JCAD: variants seen among roughly 807,000 people sequenced by gnomAD.
JCAD encodes junctional cadherin 5 associated, also known as junctional cadherin 5-associated protein.
Under a neutral mutation model 98.0 loss-of-function variants are expected in JCAD, and 40 were observed. That is an observed-to-expected ratio of 0.41 (90% CI 0.32 to 0.53). The LOEUF is 0.53. Among genes scored for constraint, JCAD ranks in the 20% least tolerant of loss-of-function variants. JCAD has a pLI of 0.31. For missense variants in JCAD, 1,705 were observed against 1,738.1 expected (o/e 0.98, Z 0.34); for synonymous variants, 691 against 682.3 (o/e 1.01, Z -0.20).
chr10:30,073,710 T>TTCCTTCC (rs1837935402), intron 1 of JCAD, among the ~76,000 whole-genome samples: 1 of 43,816 alleles, frequency 2.3e-5, no homozygotes, highest in South Asian at 5.1e-4. Context: ...TCCTTCCTTC[T>TTCCTTCC]TTCCTTCTTT....
At chr10:30,032,993 C>T (rs897343927) in intron 2 of JCAD, among the ~76,000 whole-genome samples, 1 of 152,152 alleles carries the variant, frequency 6.6e-6, no homozygotes, top group African/African-American at 2.4e-5. Context: ...ATCTACTGGG[C>T]ACCCATGCTG....
chr10:30,026,535 C>T lies in JCAD; in HGVS notation c.3613G>A (p.Asp1205Asn). Reference sequence around the variant, plus strand: ...CTGAAGGGTGGTTTTGTTTCCACATCCTTTTGTTCGAAGAACTTGGACTCC... The same window carrying T: ...CTGAAGGGTGGTTTTGTTTCCACATTCTTTTGTTCGAAGAACTTGGACTCC... Reference protein sequence around the residue: ...PLESKFFEQKDVETKPPFRST... With the variant: ...PLESKFFEQKNVETKPPFRST... Residue 1205 changes from aspartate to asparagine, a missense_variant, in exon 3 of 4, where the codon GAT becomes AAT. Physicochemically the swap from Asp to Asn is conservative, Grantham distance 23. Coordinates refer to ENST00000375377, the MANE Select transcript of JCAD (RefSeq NM_020848.4). 4 of 1,614,224 alleles carry T rather than the reference C, an allele frequency of 2.5e-6. No homozygotes were observed. Among genetic ancestry groups the T allele is most frequent in the South Asian group, 2.2e-5 (2 of 91,092 alleles).
In JCAD at chr10:30,029,294, G is replaced by A. The variant is rs1836931411; in HGVS notation, c.854C>T (p.Pro285Leu). The A allele has an allele frequency of 2.5e-6, 4 of 1,614,138 alleles. No homozygotes were observed. The highest frequency in any genetic ancestry group is 2.2e-5 in the South Asian group (2 of 91,074). Reference protein sequence around the residue: ...SEKSGCSAPFPRPKFGRPLKP... With the variant: ...SEKSGCSAPFLRPKFGRPLKP... ...GAGGGGCCTCCCAAACTTAGGCCGG[G>A]GAAATGGGGCTGAGCAGCCACTCTT... Residue 285 changes from proline (P) to leucine (L), a missense_variant, in exon 3 of 4, where the codon CCC (proline) becomes CTC (leucine). Around this residue, in one of 3 missense-constraint regions of JCAD, gnomAD observed 275 missense variants for 346.9 expected, o/e 0.79. Transcript: ENST00000375377.
chr10:30,064,760 C>A (rs757446634), intron 2 of JCAD, among the ~76,000 whole-genome samples: 1 of 152,096 alleles, frequency 6.6e-6, no homozygotes, highest in Non-Finnish European at 1.5e-5. Flanking sequence ...CAACCTCCAC[C>A]TCCCAGGTTC....
At chr10:30,041,995 T>C (rs1004810264) in intron 2 of JCAD, among the ~76,000 whole-genome samples, 8 of 152,174 alleles carry the variant, frequency 5.3e-5, no homozygotes, top group African/African-American at 1.9e-4. Context: ...TTTGTGTGTG[T>C]GTGTGTTTCA....
intron 2 of JCAD, among the ~76,000 whole-genome samples, chr10:30,064,682 T>A (rs531435761): frequency 1.1e-3 from 161 of 152,172 alleles, no homozygotes; most frequent in Middle Eastern, 3.4e-3. Flanking sequence ...CTTTTTTTTT[T>A]TTCTTTTGAG....
chr10:30,097,170 G>A (rs1157175657), intron 1 of JCAD, among the ~76,000 whole-genome samples: 5 of 152,118 alleles, frequency 3.3e-5, no homozygotes, highest in African/African-American at 1.2e-4. Flanking sequence ...GGTGGGCACT[G>A]GCCACGTGCA....
intron 3 of JCAD, 139 bp downstream of exon 3, chr10:30,025,963 TC>T (rs1554794828): frequency 2.1e-6 from 2 of 954,008 alleles, no homozygotes; most frequent in Non-Finnish European, 3.2e-6. Flanking sequence ...AAATGAGGAA[TC>T]TTTTGATAAA....
At position 30,027,830 on chromosome 10, in the gene JCAD, T is replaced by C; in HGVS notation, c.2318A>G (p.Gln773Arg). 1 of 1,614,248 alleles carries C rather than the reference T, an allele frequency of 6.2e-7. No individual in the cohort carries two copies. The highest frequency in any genetic ancestry group is 8.5e-7 in the Non-Finnish European group (1 of 1,180,034). Residue 773 changes from glutamine to arginine, a missense_variant, in exon 3 of 4, where the codon CAG (glutamine) becomes CGG (arginine). Gln to Arg is a conservative substitution (Grantham distance 43, BLOSUM62 1). Transcript: ENST00000375377. ...AFSRTSLSVD[Q>R]APTPKAGRSQ... The stretch of plus-strand genomic sequence containing the variant: ...TCGGCCTGCTTTTGGCGTCGGTGCC[T>C]GGTCCACGGACAAGGAAGTCCTTGA...
chr10:30,029,225 G>C lies in JCAD; in HGVS notation c.923C>G (p.Ala308Gly). 1 of 1,614,138 alleles carries C rather than the reference G, an allele frequency of 6.2e-7. No individual in the cohort carries two copies. The highest frequency in any genetic ancestry group is 8.5e-7 in the Non-Finnish European group (1 of 1,180,046). Residue 308 changes from alanine to glycine, a missense_variant, in exon 3 of 4, where the codon GCG (alanine) becomes GGG (glycine). Around this residue, in one of 3 missense-constraint regions of JCAD, gnomAD observed 275 missense variants for 346.9 expected, o/e 0.79. Transcript: ENST00000375377. The stretch of plus-strand genomic sequence containing the variant: ...GCTGTCCTGAGAGTCACTGCTGTCC[G>C]CTCCTCCCCTAGACTGCTGGTGCGA... ...YSSHQQSRGGADSSDSQDSQQ... is the reference protein window; with the variant it reads ...YSSHQQSRGGGDSSDSQDSQQ...
intron 1 of JCAD, among the ~76,000 whole-genome samples, chr10:30,074,138 G>C (rs1274236862): frequency 6.6e-6 from 1 of 152,124 alleles, no homozygotes; most frequent in Non-Finnish European, 1.5e-5. Flanking sequence ...CCCTCTGACA[G>C]TAAATTCGGA....
At chr10:30,092,078 T>TATATAA (rs1838286055) in intron 1 of JCAD, among the ~76,000 whole-genome samples, 1 of 58,908 alleles carries the variant, frequency 1.7e-5, no homozygotes, top group Non-Finnish European at 3.0e-5. Context: ...TATATATATA[T>TATATAA]ATATATATAT....
intron 1 of JCAD, among the ~76,000 whole-genome samples, chr10:30,084,979 A>G (rs1838145331): frequency 6.6e-6 from 1 of 152,162 alleles, no homozygotes; most frequent in African/African-American, 2.4e-5. Flanking sequence ...ATCTAAGTTC[A>G]TCTTGTTTAT....
chr10:30,063,861 G>T (rs552421025), upstream of JCAD, among the ~76,000 whole-genome samples: 1 of 151,932 alleles, frequency 6.6e-6, no homozygotes, highest in East Asian at 1.9e-4. Flanking sequence ...AGCCTGGAGT[G>T]CAGTGTCGTG....
chr10:30,030,038 A>T (rs968424674), intron 2 of JCAD, among the ~76,000 whole-genome samples, 172 bp from the exon 3 acceptor site: 1 of 152,260 alleles, frequency 6.6e-6, no homozygotes, highest in African/African-American at 2.4e-5. Context: ...GTTGGAAGAC[A>T]GCCACGTGTT....
At chr10:30,109,027 C>G (rs1223529408) in intron 1 of JCAD, among the ~76,000 whole-genome samples, 2 of 152,150 alleles carry the variant, frequency 1.3e-5, no homozygotes, top group Non-Finnish European at 2.9e-5. Flanking sequence ...GAGTTGGAGA[C>G]AGAGGGCCAC....
rs59735299 is a variant in JCAD, at chr10:30,108,312, T to TA, written n.128+7054dup. Reference sequence around the variant, plus strand: ...GGGTGACAAGAGCGAAACTCCATATTAAAAAAAAAAAAAAGAGTGATGGCG... The same window carrying TA: ...GGGTGACAAGAGCGAAACTCCATATTAAAAAAAAAAAAAAAGAGTGATGGCG... On this transcript the variant is annotated intron_variant and non_coding_transcript_variant, in intron 1 of 2. Transcript: ENST00000465712. Among the ~76,000 whole-genome samples, 701 of 142,288 alleles carry TA rather than the reference T, an allele frequency of 4.9e-3. 7 individuals are homozygous for TA. Among genetic ancestry groups the TA allele is most frequent in the South Asian group, 0.044 (191 of 4,332 alleles). The allele number at this position is 142,288 out of a possible 152,430, so 93.3% of individuals were successfully genotyped here. A position where few individuals can be genotyped will look rare whatever the true frequency, so the allele number is the denominator to read the frequency against.
chr10:30,109,567 T>C (rs1838651239), intron 1 of JCAD, among the ~76,000 whole-genome samples: 1 of 152,180 alleles, frequency 6.6e-6, no homozygotes, highest in East Asian at 1.9e-4. Context: ...TCTGCTCTCC[T>C]TGTGGCTTCT....
chr10:30,106,212 CG>C (rs1838577740), intron 1 of JCAD, among the ~76,000 whole-genome samples: 1 of 151,958 alleles, frequency 6.6e-6, no homozygotes, highest in Non-Finnish European at 1.5e-5. Context: ...CACTTGATGC[CG>C]GGAGTTCAAG....
Sources: gnomAD v4.1 joint callset for allele counts (sites outside exome capture counted in the v4.1 genomes callset) on GRCh38, gnomAD v4.1.1 for gene constraint, gnomAD v4.1.1 regional missense constraint, MANE v1.5 for transcripts, NCBI Gene and HGNC (gene_info 2026-07-23, HGNC 2026-07-21) for gene names.